PCCA: variants seen among roughly 807,000 people sequenced by gnomAD.
PCCA encodes propionyl-CoA carboxylase alpha chain, mitochondrial.
PCCA carries 74 observed loss-of-function variants against 101.3 expected under a neutral mutation model. The observed-to-expected ratio is 0.73, with a 90% confidence interval of 0.61 to 0.89. The LOEUF is 0.89. PCCA is among the 40% of genes least tolerant of loss of function. The probability of loss-of-function intolerance (pLI) is 0.00; values close to 1 mark genes in which losing one functional copy is unlikely to be tolerated. For synonymous variants in PCCA, 294 were observed against 313.6 expected (o/e 0.94, Z 0.66); for missense variants, 891 against 907.0 (o/e 0.98, Z 0.23).
At chr13:100,325,893 T>C (rs1446485862) in intron 16 of PCCA, among the ~76,000 whole-genome samples, 2 of 152,126 alleles carry the variant, frequency 1.3e-5, no homozygotes, top group Non-Finnish European at 2.9e-5. Flanking sequence ...ACACATGTGT[T>C]TAACATCGAA....
intron 6 of PCCA, chr13:100,160,906 A>C (rs544575734): frequency 1.3e-5 from 2 of 152,080 alleles, no homozygotes; most frequent in African/African-American, 4.8e-5. Flanking sequence ...GTAACATAGC[A>C]TAAGTTATAG....
At chr13:100,152,958 CAT>C (rs1027371989) in intron 4 of PCCA, among the ~76,000 whole-genome samples, 2 of 152,172 alleles carry the variant, frequency 1.3e-5, no homozygotes, top group South Asian at 2.1e-4. Context: ...CACATAAACA[CAT>C]GTGCCTATGT....
rs113369336 is a variant in PCCA, at chr13:100,254,767, T to C, written c.638-2828T>C. On this transcript the variant is annotated intron_variant, in intron 8 of 23. Transcript: ENST00000376285. ...ACCTTACTGTTACATTATTTCAGAA[T>C]ATAGCTCAATGGTTAAATTAAGAGT... Among the ~76,000 whole-genome samples, 300 of 152,238 alleles carry C rather than the reference T, an allele frequency of 2.0e-3. 3 individuals are homozygous for C. Among genetic ancestry groups the C allele is most frequent in the African/African-American group, 6.8e-3 (284 of 41,532 alleles).
chr13:100,437,539 G>T (rs866300988), intron 20 of PCCA, among the ~76,000 whole-genome samples: 10 of 146,758 alleles, frequency 6.8e-5, no homozygotes, highest in East Asian at 2.1e-4. Flanking sequence ...TTGTTTATTT[G>T]TTTTTTTTTT....
chr13:100,144,059 C>T (rs890630137), intron 4 of PCCA, among the ~76,000 whole-genome samples: 2 of 152,050 alleles, frequency 1.3e-5, no homozygotes, highest in East Asian at 1.9e-4. Flanking sequence ...CCACCATGCC[C>T]GGCCCCAGAT....
intron 21 of PCCA, among the ~76,000 whole-genome samples, chr13:100,466,397 T>C (rs1247275306): frequency 6.6e-6 from 1 of 152,208 alleles, no homozygotes; most frequent in East Asian, 1.9e-4. Flanking sequence ...ATCTCAAGTG[T>C]GTGTTCCTGA....
At chr13:100,371,184 G>C (rs1296678483) in intron 19 of PCCA, among the ~76,000 whole-genome samples, 3 of 152,070 alleles carry the variant, frequency 2.0e-5, no homozygotes, top group Non-Finnish European at 4.4e-5. Context: ...TGTCCTTTCT[G>C]TATGTGTTGT....
chr13:100,348,368 A>C (rs1427297213), intron 18 of PCCA, among the ~76,000 whole-genome samples: 1 of 152,244 alleles, frequency 6.6e-6, no homozygotes, highest in African/African-American at 2.4e-5. Context: ...TAATGTCAGA[A>C]ACAATAGCCA....
chr13:100,466,857 C>CA (rs1295537742), intron 21 of PCCA, among the ~76,000 whole-genome samples: 3 of 143,074 alleles, frequency 2.1e-5, no homozygotes, highest in Admixed American at 6.7e-5. Context: ...CAGTCCGTCT[C>CA]AAAAAACAAA....
chr13:100,430,218 A>G (rs1187429605), intron 20 of PCCA, among the ~76,000 whole-genome samples: 1 of 152,104 alleles, frequency 6.6e-6, no homozygotes, highest in African/African-American at 2.4e-5. Context: ...GTGAGCTGAG[A>G]TCGCGCCATT....
intron 18 of PCCA, among the ~76,000 whole-genome samples, chr13:100,355,090 A>G (rs547008097): frequency 1.1e-4 from 16 of 152,320 alleles, no homozygotes; most frequent in African/African-American, 3.6e-4. Context: ...ATCCAAGAAT[A>G]TATACAGTGA....
intron 1 of PCCA, among the ~76,000 whole-genome samples, chr13:100,091,380 C>T (rs566699964): frequency 6.6e-6 from 1 of 152,246 alleles, no homozygotes; most frequent in African/African-American, 2.4e-5. Context: ...TTGTCTATTT[C>T]TGTGTTCTTA....
chr13:100,217,339 G>C (rs551548219), intron 7 of PCCA, among the ~76,000 whole-genome samples: 108 of 151,364 alleles, frequency 7.1e-4, no homozygotes, highest in Non-Finnish European at 8.4e-4. Flanking sequence ...CAGCCACTCG[G>C]GAGGCTGAGT....
chr13:100,477,763 G>T (rs773121978), intron 21 of PCCA, among the ~76,000 whole-genome samples: 10 of 152,196 alleles, frequency 6.6e-5, no homozygotes, highest in Non-Finnish European at 1.2e-4. Context: ...GTGTTCTCCT[G>T]TGGGCAGTGG....
chr13:100,332,383 T>G (rs2152738158), intron 17 of PCCA, among the ~76,000 whole-genome samples: 1 of 152,338 alleles, frequency 6.6e-6, no homozygotes, highest in Admixed American at 6.5e-5. Context: ...GACTTCCATG[T>G]TTTTATGTCT....
intron 17 of PCCA, among the ~76,000 whole-genome samples, chr13:100,331,984 G>A (rs905098609): frequency 1.5e-5 from 2 of 137,650 alleles, no homozygotes; most frequent in Non-Finnish European, 1.5e-5. Flanking sequence ...CTTTTGCCCA[G>A]GCTGGAGTGT....
At chr13:100,434,140 G>T (rs928735584) in intron 20 of PCCA, among the ~76,000 whole-genome samples, 1 of 152,174 alleles carries the variant, frequency 6.6e-6, no homozygotes, top group African/African-American at 2.4e-5. Flanking sequence ...TGCTACTGTT[G>T]TAGAGAAGGG....
At chr13:100,192,799 C>A (rs2057825060) in intron 6 of PCCA, among the ~76,000 whole-genome samples, 1 of 152,178 alleles carries the variant, frequency 6.6e-6, no homozygotes, top group Non-Finnish European at 1.5e-5. Context: ...TTGTCCTTTT[C>A]CCCCTCAAAT....
intron 12 of PCCA, among the ~76,000 whole-genome samples, chr13:100,278,853 A>G (rs1222060547): frequency 1.3e-5 from 2 of 152,154 alleles, no homozygotes; most frequent in Non-Finnish European, 2.9e-5. Flanking sequence ...TGTGTATTGG[A>G]TAGCTTGCTA....
Sources: gnomAD v4.1 joint callset for allele counts (sites outside exome capture counted in the v4.1 genomes callset) on GRCh38, gnomAD v4.1.1 for gene constraint, MANE v1.5 for transcripts, NCBI Gene and HGNC (gene_info 2026-07-23, HGNC 2026-07-21) for gene names.